Variants in OR2T11 observed in about 807,000 individuals in gnomAD.
OR2T11 encodes olfactory receptor 2T11.
OR2T11 carries 14 observed loss-of-function variants against 13.5 expected under a neutral mutation model. The observed-to-expected ratio is 1.04, with a 90% CI of 0.69 to 1.62. OR2T11 has a LOEUF of 1.62. Among genes scored for constraint, OR2T11 ranks in the 40% most tolerant of loss-of-function variants. The probability of loss-of-function intolerance (pLI) is 0.00; values close to 1 mark genes in which losing one functional copy is unlikely to be tolerated. For synonymous variants in OR2T11, 163 were observed against 154.6 expected (o/e 1.05, Z -0.40); for missense variants, 410 against 389.7 (o/e 1.05, Z -0.44).
At chr1:248,629,715 CCA>C (rs2103102702) in intron 1 of OR2T11, among the ~76,000 whole-genome samples, 1 of 141,272 alleles carries the variant, frequency 7.1e-6, no homozygotes, top group South Asian at 2.3e-4. Context: ...CCCGCCGACT[CCA>C]GTCTGTCTGT....
Position 248,626,306 on chromosome 1 carries a change from A to C in OR2T11, c.823T>G (p.Tyr275Asp), listed in dbSNP as rs879252778. ...PEQDKVVSAF[Y>D]TIVTPMLNPL... ...TTAAGCATGGGCGTGACAATGGTAT[A>C]GAAGGCTGACACTACTTTGTCCTGC... The change falls in exon 2 of 2, where the codon TAT becomes GAT. Residue 275 changes from tyrosine to aspartate, a missense_variant. Transcript: ENST00000641193. 7.4e-5 allele frequency: 116 copies of C among 1,570,294 alleles called. 16 individuals are homozygous for C. The highest frequency in any genetic ancestry group is 9.8e-5 in the Non-Finnish European group (113 of 1,153,680).
intron 1 of OR2T11, among the ~76,000 whole-genome samples, chr1:248,628,410 G>T (rs1236304374): frequency 7.1e-6 from 1 of 140,018 alleles, no homozygotes; most frequent in Non-Finnish European, 1.5e-5. Context: ...ATCAACGGGG[G>T]AGCCCGGATG....
Position 248,626,499 on chromosome 1 carries a change from G to A in OR2T11, c.630C>T (p.Ile210=). 1 of 1,572,092 alleles carries A rather than the reference G, an allele frequency of 6.4e-7. No individual in the cohort carries two copies. The highest frequency in any genetic ancestry group is 8.7e-7 in the Non-Finnish European group (1 of 1,155,752). ...CVLMLLIPIS[I]ISTSYSLILL... ...AGATGAGGGAGTAGGAAGTGGAGATGATAGAGATGGGGATGAGCAACATGA... is the reference window on the plus strand; with the variant it reads ...AGATGAGGGAGTAGGAAGTGGAGATAATAGAGATGGGGATGAGCAACATGA... Residue 210 remains isoleucine, a synonymous_variant, in exon 2 of 2, where the codon ATC becomes ATT. Transcript: ENST00000641193.
In OR2T11 at chr1:248,627,205, T is replaced by C; in HGVS notation, c.-77A>G. On this transcript the variant is annotated 5_prime_UTR_variant, in exon 2 of 2. Coordinates refer to ENST00000641193, the MANE Select transcript of OR2T11 (RefSeq NM_001001964.2). The stretch of plus-strand genomic sequence containing the variant: ...AGGAGGCAAGAGAACACGGTCAAGA[T>C]GGGAAAGGTCTGCAGTAGAGGTGAC... The C allele has an allele frequency of 4.7e-6, 4 of 856,614 alleles. No homozygotes were observed. Among genetic ancestry groups the C allele is most frequent in the South Asian group, 1.6e-5 (1 of 64,292 alleles). 53.1% of individuals were successfully genotyped at this position (856,614 alleles called of 1,614,324 possible).
intron 1 of OR2T11, among the ~76,000 whole-genome samples, chr1:248,627,898 T>TAA: frequency 7.0e-6 from 1 of 143,682 alleles, no homozygotes; most frequent in Admixed American, 6.8e-5. Context: ...TTTGCTAACC[T>TAA]TTTTGCAGAT....
rs1660480149 is a variant in OR2T11, at chr1:248,624,057, T to A, written c.*2121A>T. 1 of 141,642 alleles carries A rather than the reference T, an allele frequency of 7.1e-6. No homozygotes were observed. The highest frequency in any genetic ancestry group is 2.3e-4 in the South Asian group (1 of 4,398). The allele number at this position is 141,642 out of a possible 1,614,324, so 8.8% of individuals were successfully genotyped here. A position where few individuals can be genotyped will look rare whatever the true frequency, so the allele number is the denominator to read the frequency against. ...GTTATAACACACGCTCTGCCTGACC[T>A]CCTGCTATTGTCACTGAGTTGGCCA... On this transcript the variant is annotated 3_prime_UTR_variant, in exon 2 of 2. Transcript: ENST00000641193.
chr1:248,633,662 T>G (rs1206488608), intron 1 of OR2T11, among the ~76,000 whole-genome samples: 2 of 129,214 alleles, frequency 1.5e-5, no homozygotes, highest in African/African-American at 6.3e-5. Flanking sequence ...TTTTCTGATT[T>G]TAATTTTTCC....
rs754616881 is a variant in OR2T11, at chr1:248,626,578, A to T, written c.551T>A (p.Leu184Gln). 1 of 1,573,154 alleles carries T rather than the reference A, an allele frequency of 6.4e-7. No homozygotes were observed. Among genetic ancestry groups the T allele is most frequent in the East Asian group, 2.3e-5 (1 of 43,664 alleles). ...FFCEIPAVLK[L>Q]ACADTSLYET... Reference sequence around the variant, plus strand: ...ATACAAGGACGTGTCTGCACAGGCCAGTTTCAGAACTGCTGGGATCTCACA... The same window carrying T: ...ATACAAGGACGTGTCTGCACAGGCCTGTTTCAGAACTGCTGGGATCTCACA... Residue 184 changes from leucine (L) to glutamine (Q), a missense_variant, in exon 2 of 2, where the codon CTG becomes CAG. Coordinates refer to ENST00000641193, the MANE Select transcript of OR2T11 (RefSeq NM_001001964.2).
chr1:248,634,112 ACTTT>A (rs769471625), intron 1 of OR2T11, among the ~76,000 whole-genome samples: 1 of 142,578 alleles, frequency 7.0e-6, no homozygotes, highest in Non-Finnish European at 1.5e-5. Flanking sequence ...TGCCAAGGAA[ACTTT>A]CTTTTAAAGA....
rs1660534631 is a variant in OR2T11, at chr1:248,627,015, T to A, written c.114A>T (p.Ala38=). Residue 38 remains alanine, a synonymous_variant, in exon 2 of 2, where the codon GCA becomes GCT. Transcript: ENST00000641193. ...ILAVFLGAVT[A]NLVMIFLIQV... ...GAATCAAGAATATCATGACCAAATT[T>A]GCAGTCACGGCCCCCAAGAAAACAG... The A allele has an allele frequency of 1.9e-6, 3 of 1,569,254 alleles. No homozygotes were observed. The South Asian group carries it at 3.4e-5, about 18-fold the overall frequency.
chr1:248,634,969 T>A (rs1157070493), intron 1 of OR2T11, 69 bp downstream of exon 1: 1 of 137,634 alleles, frequency 7.3e-6, no homozygotes, highest in African/African-American at 2.8e-5. Flanking sequence ...AATTTTATAT[T>A]GCATATAGAT....
At chr1:248,631,507 T>C (rs1892446) in intron 1 of OR2T11, among the ~76,000 whole-genome samples, 133,349 of 141,490 alleles carry the variant, frequency 0.94, 64,523 homozygotes, top group East Asian at 1. Flanking sequence ...TCCCCAAAGA[T>C]AATATCCCTT....
chr1:248,623,811 A>G lies in OR2T11; in HGVS notation c.*2367T>C, dbSNP rs1660476025. On this transcript the variant is annotated 3_prime_UTR_variant, in exon 2 of 2. Transcript: ENST00000641193. The stretch of plus-strand genomic sequence containing the variant: ...GAACACACATCATGAATCGTCTGAC[A>G]AATGTGCTGTGCTAAATTCATAAAT... 1.4e-5 allele frequency: 2 copies of G among 142,678 alleles called. 1 individual carries two copies. Among genetic ancestry groups the G allele is most frequent in the African/African-American group, 5.5e-5 (2 of 36,038 alleles). The allele number at this position is 142,678 out of a possible 1,614,324, so 8.8% of individuals were successfully genotyped here.
chr1:248,632,942 GAGAGCTGGGT>G (rs1280418010), intron 1 of OR2T11, among the ~76,000 whole-genome samples: 1 of 10,122 alleles, frequency 9.9e-5, no homozygotes, highest in East Asian at 5.6e-3. Context: ...ACTTCTACAT[GAGAGCTGGGT>G]TGTATCAACA....
At position 248,624,041 on chromosome 1, in the gene OR2T11, C is replaced by A. The variant is rs1176932354; in HGVS notation, c.*2137G>T. The stretch of plus-strand genomic sequence containing the variant: ...ATCGGAAGGGATCTTAGTTATAACA[C>A]ACGCTCTGCCTGACCTCCTGCTATT... On this transcript the variant is annotated 3_prime_UTR_variant, in exon 2 of 2. Coordinates refer to ENST00000641193, the MANE Select transcript of OR2T11 (RefSeq NM_001001964.2). 7.1e-6 allele frequency: 1 copy of A among 141,448 alleles called. No individual in the cohort carries two copies. Among genetic ancestry groups the A allele is most frequent in the Non-Finnish European group, 1.5e-5 (1 of 65,788 alleles). 8.8% of individuals were successfully genotyped at this position (141,448 alleles called of 1,614,324 possible).
At position 248,627,932 on chromosome 1, in the gene OR2T11, T is replaced by TA. The variant is rs11311974; in HGVS notation, c.-144-661dup. 6.3e-5 allele frequency among the ~76,000 whole-genome samples: 9 copies of TA among 143,140 alleles called. 1 individual carries two copies. Among genetic ancestry groups the TA allele is most frequent in the South Asian group, 2.2e-4 (1 of 4,572 alleles). The allele number at this position is 143,140 out of a possible 152,430, so 93.9% of individuals were successfully genotyped here. On this transcript the variant is annotated intron_variant, in intron 1 of 1. Transcript: ENST00000641193. ...ATCTTTCTTCAGATAAATTAGAAGGTAAAAAAAACTATTTGCAAAAAGCTC... is the reference window on the plus strand; with the variant it reads ...ATCTTTCTTCAGATAAATTAGAAGGTAAAAAAAAACTATTTGCAAAAAGCTC...
At position 248,624,469 on chromosome 1, in the gene OR2T11, T is replaced by TAG. The variant is rs1660485508; in HGVS notation, c.*1707_*1708dup. On this transcript the variant is annotated 3_prime_UTR_variant, in exon 2 of 2. Transcript: ENST00000641193. ...AACCAAATCTCACTTATTTCAACCA[T>TAG]AGACTGCACTTGTTGCAGTTGCTTT... is the stretch of plus-strand genomic sequence containing the variant. The TAG allele has an allele frequency of 7.0e-6, 1 of 143,380 alleles. No homozygotes were observed. Among genetic ancestry groups the TAG allele is most frequent in the Non-Finnish European group, 1.5e-5 (1 of 66,336 alleles). 8.9% of individuals were successfully genotyped at this position (143,380 alleles called of 1,614,324 possible). A position where few individuals can be genotyped will look rare whatever the true frequency, so the allele number is the denominator to read the frequency against.
In OR2T11 at chr1:248,625,642, G is replaced by C; in HGVS notation, c.*536C>G. 1 of 146,800 alleles carries C rather than the reference G, an allele frequency of 6.8e-6. No homozygotes were observed. The highest frequency in any genetic ancestry group is 2.1e-4 in the South Asian group (1 of 4,756). The allele number at this position is 146,800 out of a possible 1,614,324, so 9.1% of individuals were successfully genotyped here. On this transcript the variant is annotated 3_prime_UTR_variant, in exon 2 of 2. Transcript: ENST00000641193. ...TGTGGCCTAGTATTTGATAGCTGCT[G>C]TCTGTACTCAAGAGGGTCAGAGATT...
rs183016261 is a variant in OR2T11 at position 248,631,397 on chromosome 1, G to C, written c.-145+3641C>G. 8.5e-4 allele frequency among the ~76,000 whole-genome samples: 122 copies of C among 143,286 alleles called. 30 individuals are homozygous for C. The highest frequency in any genetic ancestry group is 3.2e-3 in the African/African-American group (117 of 36,318). 94.0% of individuals were successfully genotyped at this position (143,286 alleles called of 152,430 possible). ...GATCACTAATTATCACCATCTCACA[G>C]CTGGTAAAACTGAGGCTCAGAGTCA... On this transcript the variant is annotated intron_variant, in intron 1 of 1. Coordinates refer to ENST00000641193, the MANE Select transcript of OR2T11 (RefSeq NM_001001964.2).
Sources: gnomAD v4.1 joint callset for allele counts (sites outside exome capture counted in the v4.1 genomes callset) on GRCh38, gnomAD v4.1.1 for gene constraint, MANE v1.5 for transcripts, NCBI Gene and HGNC (gene_info 2026-07-23, HGNC 2026-07-21) for gene names.